GMDS: variants seen among roughly 807,000 people sequenced by gnomAD.
GMDS encodes GDP-mannose 4,6-dehydratase, also known as GDP-mannose 4,6 dehydratase.
In GMDS, 20 loss-of-function variants were observed where a neutral mutation model predicts 49.9. That is an observed-to-expected ratio of 0.40 (90% confidence interval 0.28 to 0.58). The LOEUF is 0.58. Among genes scored for constraint, GMDS ranks in the 20% least tolerant of loss-of-function variants. GMDS has a pLI of 0.42. For missense variants in GMDS, 362 were observed against 481.4 expected, an observed-to-expected ratio of 0.75 and a Z score of 2.32; for synonymous variants, 177 against 178.6, an observed-to-expected ratio of 0.99 and a Z score of 0.07.
At chr6:2,030,793 G>C (rs1768907267) in intron 4 of GMDS, among the ~76,000 whole-genome samples, 1 of 152,102 alleles carries the variant, frequency 6.6e-6, no homozygotes, top group East Asian at 1.9e-4. Context: ...CTAAATTGTA[G>C]CTATACTGTA....
intron 6 of GMDS, among the ~76,000 whole-genome samples, chr6:1,952,861 C>G (rs560436782): frequency 7.2e-5 from 11 of 152,106 alleles, no homozygotes; most frequent in Admixed American, 7.2e-4. Context: ...ACGCTGTCAA[C>G]AGGGAACGTG....
intron 4 of GMDS, among the ~76,000 whole-genome samples, chr6:2,040,038 C>G (rs926619418): frequency 1.3e-5 from 2 of 152,176 alleles, no homozygotes; most frequent in African/African-American, 2.4e-5. Context: ...GTGATAGAAA[C>G]TTTTCAGCAC....
At chr6:2,002,621 A>C (rs1023197900) in intron 4 of GMDS, among the ~76,000 whole-genome samples, 7 of 152,192 alleles carry the variant, frequency 4.6e-5, no homozygotes, top group Non-Finnish European at 1.0e-4. Flanking sequence ...ATATTGAAGA[A>C]GGTTCTAGGC....
chr6:1,889,508 A>G (rs1291007643), intron 7 of GMDS, among the ~76,000 whole-genome samples: 1 of 151,608 alleles, frequency 6.6e-6, no homozygotes, highest in Admixed American at 6.6e-5. Context: ...GGCTTCGACT[A>G]CTCTTCCATG....
At chr6:2,188,631 G>C (rs779100212) in intron 1 of GMDS, among the ~76,000 whole-genome samples, 32 of 152,292 alleles carry the variant, frequency 2.1e-4, no homozygotes, top group Non-Finnish European at 3.4e-4. Flanking sequence ...CTAAGTGTCA[G>C]GATATCAAGA....
intron 4 of GMDS, among the ~76,000 whole-genome samples, chr6:2,083,915 G>A (rs1294138894): frequency 7.2e-5 from 11 of 152,180 alleles, no homozygotes; most frequent in Middle Eastern, 3.4e-3. Flanking sequence ...TATTCAACTT[G>A]AATAAGAAGA....
At chr6:2,061,534 T>C (rs964350687) in intron 4 of GMDS, among the ~76,000 whole-genome samples, 1 of 151,774 alleles carries the variant, frequency 6.6e-6, no homozygotes, top group Non-Finnish European at 1.5e-5. Flanking sequence ...TTGGCCAACA[T>C]GGCAAAACCC....
At position 1,624,098 on chromosome 6, in the gene GMDS, C is replaced by T. The variant is rs1047077638; in HGVS notation, c.*71G>A. ...CAGATTGGCACGCCGCTCCCCATCC[C>T]CGCAGCGCGTCTGCACCGGAGACTC... On this transcript the variant is annotated 3_prime_UTR_variant, in exon 11 of 11. Coordinates refer to ENST00000380815, the MANE Select transcript of GMDS (RefSeq NM_001500.4). 45 of 1,392,376 alleles carry T rather than the reference C, an allele frequency of 3.2e-5. No individual in the cohort carries two copies. The African/African-American group carries it at 5.9e-4, about 18-fold the overall frequency. 86.3% of individuals were successfully genotyped at this position (1,392,376 alleles called of 1,614,324 possible).
intron 1 of GMDS, among the ~76,000 whole-genome samples, chr6:2,232,125 T>C (rs1781135674): frequency 6.7e-6 from 1 of 149,490 alleles, no homozygotes; most frequent in South Asian, 2.1e-4. Context: ...TCTGGGAGCA[T>C]GTTCTTCTTA....
At chr6:1,935,384 T>A (rs982912332) in intron 6 of GMDS, among the ~76,000 whole-genome samples, 1 of 152,226 alleles carries the variant, frequency 6.6e-6, no homozygotes, top group Admixed American at 6.5e-5. Flanking sequence ...AAAGCTTTGA[T>A]GTTTAAAGGA....
intron 9 of GMDS, among the ~76,000 whole-genome samples, chr6:1,698,218 C>T (rs962770808): frequency 2.6e-5 from 4 of 152,002 alleles, no homozygotes; most frequent in Non-Finnish European, 5.9e-5. Flanking sequence ...TGAATGTATA[C>T]TTTAGCTTTG....
chr6:1,732,392 G>C (rs149945414), intron 8 of GMDS, among the ~76,000 whole-genome samples: 1 of 152,112 alleles, frequency 6.6e-6, no homozygotes, highest in African/African-American at 2.4e-5. Flanking sequence ...CATAGCATTC[G>C]TCAGTCATGG....
chr6:1,709,416 G>A (rs112077998), intron 9 of GMDS, among the ~76,000 whole-genome samples: 139 of 152,330 alleles, frequency 9.1e-4, no homozygotes, highest in Non-Finnish European at 1.6e-3. Flanking sequence ...CAAGTCACTC[G>A]GCTTCCTGGT....
Position 1,742,460 on chromosome 6 carries a change from A to G in GMDS, c.890+8T>C. The G allele has an allele frequency of 6.7e-7, 1 of 1,490,288 alleles. No homozygotes were observed. Among genetic ancestry groups the G allele is most frequent in the Non-Finnish European group, 9.4e-7 (1 of 1,067,946 alleles). The allele number at this position is 1,490,288 out of a possible 1,614,324, so 92.3% of individuals were successfully genotyped here. ...AGCTACAAGTAGTCATTTCTCAGGTATACTTACACAATGGTTTTTCCAATG... is the reference window on the plus strand; with the variant it reads ...AGCTACAAGTAGTCATTTCTCAGGTGTACTTACACAATGGTTTTTCCAATG... On this transcript the variant is annotated splice_region_variant and intron_variant, in intron 8 of 10. Transcript: ENST00000380815.
chr6:1,719,341 A>C (rs574587407), intron 9 of GMDS, among the ~76,000 whole-genome samples: 1 of 152,238 alleles, frequency 6.6e-6, no homozygotes, highest in Non-Finnish European at 1.5e-5. Flanking sequence ...CAGGGTGAGA[A>C]AGGTGGCGCA....
chr6:1,912,534 T>C (rs889150825), intron 7 of GMDS, among the ~76,000 whole-genome samples: 2 of 152,060 alleles, frequency 1.3e-5, no homozygotes, highest in African/African-American at 2.4e-5. Context: ...CTTATCCAAA[T>C]GTGAAATGTA....
At chr6:1,950,967 T>C (rs1763310647) in intron 6 of GMDS, among the ~76,000 whole-genome samples, 1 of 152,140 alleles carries the variant, frequency 6.6e-6, no homozygotes, top group Non-Finnish European at 1.5e-5. Flanking sequence ...CCCTGGCCTC[T>C]ACCTACCAGA....
chr6:1,810,288 A>T (rs1010757768), intron 7 of GMDS, among the ~76,000 whole-genome samples: 10 of 151,608 alleles, frequency 6.6e-5, no homozygotes, highest in African/African-American at 2.4e-4. Flanking sequence ...GGCAGAGGAG[A>T]AGTTTATTTA....
At chr6:1,769,340 G>A (rs1314433551) in intron 7 of GMDS, among the ~76,000 whole-genome samples, 1 of 152,236 alleles carries the variant, frequency 6.6e-6, no homozygotes, top group Non-Finnish European at 1.5e-5. Context: ...TTCTCTCAAA[G>A]CTGGAGGAAA....
Sources: gnomAD v4.1 joint callset for allele counts (sites outside exome capture counted in the v4.1 genomes callset) on GRCh38, gnomAD v4.1.1 for gene constraint, MANE v1.5 for transcripts, NCBI Gene and HGNC (gene_info 2026-07-23, HGNC 2026-07-21) for gene names.